The following DMBT1 variants were observed in gnomAD, a reference collection of about 807,000 sequenced individuals.
The protein encoded by DMBT1 is deleted in malignant brain tumors 1, also known as scavenger receptor cysteine-rich domain-containing protein DMBT1.
A neutral mutation model predicts 252.9 loss-of-function variants in DMBT1; 198 were observed. That is an observed-to-expected ratio of 0.78 (90% CI 0.70 to 0.88). The LOEUF is 0.88. DMBT1 is among the 40% of genes least tolerant of loss of function. DMBT1 has a pLI of 0.00. For missense variants in DMBT1, 2,432 were observed against 2,404.7 expected (o/e 1.01, Z -0.24); for synonymous variants, 990 against 942.7 (o/e 1.05, Z -0.92).
intron 44 of DMBT1, among the ~76,000 whole-genome samples, chr10:122,624,351 T>C (rs2098099026): frequency 6.6e-6 from 1 of 152,124 alleles, no homozygotes; most frequent in Non-Finnish European, 1.5e-5. Context: ...AACCCTTAAG[T>C]TGATGAAGAA....
At chr10:122,642,102 T>C (rs1303194815) in intron 55 of DMBT1, among the ~76,000 whole-genome samples, 1 of 151,888 alleles carries the variant, frequency 6.6e-6, no homozygotes, top group East Asian at 1.9e-4. Context: ...CTGACCTTTT[T>C]CCCAAGTGTC....
Position 122,640,208 on chromosome 10 carries a change from A to T in DMBT1, c.7111A>T (p.Thr2371Ser). ...TGACACCATCCACGTTGCTAATAACACCATCCAGGTCGAGGAAGTCCAGTA... is the reference window on the plus strand; with the variant it reads ...TGACACCATCCACGTTGCTAATAACTCCATCCAGGTCGAGGAAGTCCAGTA... Reference protein sequence around the residue: ...ANDTIHVANNTIQVEEVQYGN... With the variant: ...ANDTIHVANNSIQVEEVQYGN... The change falls in exon 55 of 56, where the codon ACC (threonine) becomes TCC (serine). Residue 2371 changes from threonine to serine, a missense_variant. By Grantham distance (58) the Thr-to-Ser change is moderately conservative (BLOSUM62 1). Around this residue, in one of 3 missense-constraint regions of DMBT1, gnomAD observed 1,162 missense variants for 1,169.0 expected, o/e 0.99. Coordinates refer to ENST00000338354, the MANE Select transcript of DMBT1 (RefSeq NM_001377530.1). 1.2e-6 allele frequency: 2 copies of T among 1,614,076 alleles called. No homozygotes were observed. Among genetic ancestry groups the T allele is most frequent in the African/African-American group, 1.3e-5 (1 of 75,082 alleles).
Position 122,588,994 on chromosome 10 carries a change from C to T in DMBT1, c.1834C>T (p.Gln612Ter), listed in dbSNP as rs754043207. 5.0e-6 allele frequency: 8 copies of T among 1,588,530 alleles called. No homozygotes were observed. Among genetic ancestry groups the T allele is most frequent in the Non-Finnish European group, 6.9e-6 (8 of 1,165,860 alleles). Residue 612 changes from glutamine to a stop codon, truncating the protein, a stop_gained, in exon 17 of 56, where the codon CAG becomes TAG. Coordinates refer to ENST00000338354, the MANE Select transcript of DMBT1 (RefSeq NM_001377530.1). LOFTEE classifies it high-confidence loss of function. The part of the protein sequence containing the change: ...LRLVNGGDRC[Q>*]GRVEVLYRGS... ...GCTGGTGAATGGAGGTGACAGGTGT[C>T]AGGGCCGAGTGGAGGTCCTATACCG... is the stretch of plus-strand genomic sequence containing the variant.
chr10:122,567,616 A>G (rs2981772), intron 2 of DMBT1, among the ~76,000 whole-genome samples: 101,919 of 152,032 alleles, frequency 0.67, 34,524 homozygotes, highest in East Asian at 0.77. Flanking sequence ...TCTGGCTCCT[A>G]CTGTCAGGAC....
chr10:122,634,430 T>TG (rs1312723532), intron 52 of DMBT1, among the ~76,000 whole-genome samples: 1 of 74,188 alleles, frequency 1.3e-5, no homozygotes, highest in Non-Finnish European at 2.7e-5. Context: ...TCTCTCTCTC[T>TG]TCTCTCTCTC....
At position 122,580,969 on chromosome 10, in the gene DMBT1, C is replaced by T. The variant is rs904997430; in HGVS notation, c.1033+74C>T. 3.1e-5 allele frequency: 48 copies of T among 1,556,516 alleles called. No individual in the cohort carries two copies. In the Middle Eastern group the frequency reaches 5.1e-4, roughly 16 times the overall value. On this transcript the variant is annotated intron_variant, in intron 11 of 55. Coordinates refer to ENST00000338354, the MANE Select transcript of DMBT1 (RefSeq NM_001377530.1). ...ATCACCCCTTCCACACTCCACAGAG[C>T]TCTCCTGTTTCTCTGTGTGGATACT... is the stretch of plus-strand genomic sequence containing the variant.
chr10:122,597,902 C>G (rs2097898532), intron 24 of DMBT1, 72 bp from the exon 25 acceptor site: 1 of 1,610,420 alleles, frequency 6.2e-7, no homozygotes, highest in African/African-American at 1.3e-5. Context: ...TTTGCCTTCT[C>G]CGGAGACCTT....
At chr10:122,563,689 G>T (rs975916641) in intron 1 of DMBT1, among the ~76,000 whole-genome samples, 4 of 152,144 alleles carry the variant, frequency 2.6e-5, no homozygotes, top group Non-Finnish European at 5.9e-5. Flanking sequence ...ACAGCTATGT[G>T]GTTGATTCTT....
At chr10:122,591,215 T>C (rs2097846981) in intron 18 of DMBT1, among the ~76,000 whole-genome samples, 1 of 148,610 alleles carries the variant, frequency 6.7e-6, no homozygotes, top group Admixed American at 6.7e-5. Flanking sequence ...CATGTGTCAG[T>C]GGATGGGGCA....
At position 122,578,787 on chromosome 10, in the gene DMBT1, G is replaced by A. The variant is rs766410006; in HGVS notation, c.679+28G>A. On this transcript the variant is annotated intron_variant, in intron 9 of 55. Transcript: ENST00000338354. ...AAAGAATCCTCTCAACACTCCCTGG[G>A]GCTCACTTTCTACCTCTGGATACAC... The A allele has an allele frequency of 1.3e-5, 21 of 1,590,494 alleles. No homozygotes were observed. The South Asian group carries it at 2.3e-4, about 17-fold the overall frequency.
chr10:122,618,956 G>A (rs1166092686), intron 41 of DMBT1, among the ~76,000 whole-genome samples: 1 of 152,258 alleles, frequency 6.6e-6, no homozygotes, highest in African/African-American at 2.4e-5. Flanking sequence ...GTTATTGCCT[G>A]TGGTCGGGGC....
Position 122,620,130 on chromosome 10 carries a change from G to A in DMBT1, c.5246-123G>A, listed in dbSNP as rs559236908. 2.9e-5 allele frequency: 30 copies of A among 1,022,096 alleles called. No homozygotes were observed. In the African/African-American group the frequency reaches 4.3e-4, roughly 15 times the overall value. The allele number at this position is 1,022,096 out of a possible 1,614,324, so 63.3% of individuals were successfully genotyped here. ...GAGCTGAAGACTTGGGTAGCACTTGGAGCAAGTGGCAGGAACCAGAAATTG... is the reference window on the plus strand; with the variant it reads ...GAGCTGAAGACTTGGGTAGCACTTGAAGCAAGTGGCAGGAACCAGAAATTG... On this transcript the variant is annotated intron_variant, in intron 42 of 55. Transcript: ENST00000338354.
At chr10:122,625,817 A>G in intron 45 of DMBT1, 116 bp from the exon 46 acceptor site, 1 of 858,256 alleles carries the variant, frequency 1.2e-6, no homozygotes, top group Non-Finnish European at 2.0e-6. Flanking sequence ...GGAATGGTCA[A>G]GGCTCTGAGA....
rs373393616 is a variant in DMBT1 at position 122,599,007 on chromosome 10, G to A, written c.3190G>A (p.Gly1064Arg). 2.3e-5 allele frequency: 37 copies of A among 1,613,794 alleles called. No homozygotes were observed. The East Asian group carries it at 2.5e-4, about 11-fold the overall frequency. ...PIVLDDVRCS[G>R]HESYLWSCPH... Reference sequence around the variant, plus strand: ...TGTCCTGGATGATGTGCGCTGCTCAGGACACGAGTCTTACCTGTGGAGCTG... The same window carrying A: ...TGTCCTGGATGATGTGCGCTGCTCAAGACACGAGTCTTACCTGTGGAGCTG... Residue 1064 changes from glycine (G) to arginine (R), a missense_variant, in exon 26 of 56, where the codon GGA becomes AGA. Gly to Arg is a moderately radical substitution (Grantham distance 125). Around this residue, in one of 3 missense-constraint regions of DMBT1, gnomAD observed 1,264 missense variants for 1,082.2 expected, o/e 1.17. Transcript: ENST00000338354.
chr10:122,599,225 G>T, intron 26 of DMBT1, 128 bp downstream of exon 26: 1 of 1,511,532 alleles, frequency 6.6e-7, no homozygotes, highest in South Asian at 1.3e-5. Context: ...AGACTTGTTA[G>T]CTCTCTGCTA....
intron 9 of DMBT1, among the ~76,000 whole-genome samples, 199 bp from the exon 10 acceptor site, chr10:122,579,379 G>T (rs889910160): frequency 3.9e-4 from 59 of 152,154 alleles, no homozygotes; most frequent in African/African-American, 1.4e-3. Flanking sequence ...TTCCCCAAAA[G>T]TTGAGCATCC....
chr10:122,563,936 C>T (rs1037492133), intron 1 of DMBT1, among the ~76,000 whole-genome samples: 26 of 152,248 alleles, frequency 1.7e-4, no homozygotes, highest in African/African-American at 4.8e-4. Context: ...ATGGAAGGCT[C>T]TCTTAGGCAC....
rs180678967 is a variant in DMBT1, at chr10:122,578,919, C to G, written c.679+160C>G. On this transcript the variant is annotated intron_variant, in intron 9 of 55. Coordinates refer to ENST00000338354, the MANE Select transcript of DMBT1 (RefSeq NM_001377530.1). ...TAAACAGTTGGCTCAAGAGTCAGCTCGGCACTGGGAACAAGAGCAGGACCT... is the reference window on the plus strand; with the variant it reads ...TAAACAGTTGGCTCAAGAGTCAGCTGGGCACTGGGAACAAGAGCAGGACCT... Among the ~76,000 whole-genome samples the G allele has an allele frequency of 8.9e-4, 136 of 152,118 alleles. 1 individual carries two copies. The highest frequency in any genetic ancestry group is 3.2e-3 in the African/African-American group (132 of 41,502).
At position 122,576,423 on chromosome 10, in the gene DMBT1, G is replaced by A; in HGVS notation, c.308G>A (p.Arg103Lys). Residue 103 changes from arginine (R) to lysine (K), a missense_variant, in exon 7 of 56, where the codon AGG (arginine) becomes AAG (lysine). By Grantham distance (26) the Arg-to-Lys change is conservative. This residue lies in a region of DMBT1 where 1,264 missense variants were observed against 1,082.2 expected (regional missense o/e 1.17). Coordinates refer to ENST00000338354, the MANE Select transcript of DMBT1 (RefSeq NM_001377530.1). ...AEGSDSGLAL[R>K]LVNGDGRCQG... The stretch of plus-strand genomic sequence containing the variant: ...GGATCTGATTCTGGTTTGGCCCTGA[G>A]GCTGGTGAATGGAGATGGCAGGTGT... The A allele has an allele frequency of 6.2e-7, 1 of 1,613,908 alleles. No individual in the cohort carries two copies. The highest frequency in any genetic ancestry group is 8.5e-7 in the Non-Finnish European group (1 of 1,179,834).
Sources: gnomAD v4.1 joint callset for allele counts (sites outside exome capture counted in the v4.1 genomes callset) on GRCh38, gnomAD v4.1.1 for gene constraint, gnomAD v4.1.1 regional missense constraint, MANE v1.5 for transcripts, NCBI Gene and HGNC (gene_info 2026-07-23, HGNC 2026-07-21) for gene names.